ICA1: variants seen among roughly 807,000 people sequenced by gnomAD.
ICA1 encodes the protein islet cell autoantigen 1.
ICA1 carries 40 observed loss-of-function variants against 71.0 expected under a neutral mutation model. The ratio of observed to expected loss-of-function variants is 0.56; its 90% CI spans 0.44 to 0.73. ICA1 has a LOEUF of 0.73. Among genes scored for constraint, ICA1 ranks in the 30% least tolerant of loss-of-function variants. The pLI is 0.00. For missense variants in ICA1, 578 were observed against 576.5 expected (o/e 1.00, Z -0.03); for synonymous variants, 207 against 209.5 (o/e 0.99, Z 0.10).
intron 6 of ICA1, among the ~76,000 whole-genome samples, chr7:8,175,463 A>C (rs916489530): frequency 5.3e-5 from 8 of 152,230 alleles, no homozygotes; most frequent in African/African-American, 1.9e-4. Flanking sequence ...ATAGGAGTTT[A>C]AATTGAATCA....
chr7:8,144,312 G>A lies in ICA1; in HGVS notation c.805-340C>T, dbSNP rs1216913683. ...CTTTATTTTTCAACTTCAACATGTA[G>A]TTAAGATAAACATTCTGTTCTGTTC... On this transcript the variant is annotated intron_variant, in intron 8 of 13. Coordinates refer to ENST00000402384, the MANE Select transcript of ICA1 (RefSeq NM_001136020.3). This position sits in a 1 kb window ranked among gnomAD's most constrained non-coding sequence, Gnocchi z 4.5. Among the ~76,000 whole-genome samples, 2 of 152,190 alleles carry A rather than the reference G, an allele frequency of 1.3e-5. No individual in the cohort carries two copies. The highest frequency in any genetic ancestry group is 2.9e-5 in the Non-Finnish European group (2 of 68,026).
rs144315335 is a variant in ICA1, at chr7:8,157,228, C to G, written c.706-14G>C. The G allele has an allele frequency of 2.3e-5, 37 of 1,586,776 alleles. No individual in the cohort carries two copies. In the East Asian group the frequency reaches 8.3e-4, roughly 35 times the overall value. ...AAGCAGAGTGGTCTGCAAAGAAAGA[C>G]AGTAAAGCTATTAATGTTTTGAATG... is the stretch of plus-strand genomic sequence containing the variant. On this transcript the variant is annotated splice_polypyrimidine_tract_variant and intron_variant, in intron 7 of 13. Coordinates refer to ENST00000402384, the MANE Select transcript of ICA1 (RefSeq NM_001136020.3).
rs1444733195 is a variant in ICA1 at position 8,166,715 on chromosome 7, T to C, written c.580-8063A>G. On this transcript the variant is annotated intron_variant, in intron 6 of 13. Coordinates refer to ENST00000402384, the MANE Select transcript of ICA1 (RefSeq NM_001136020.3). ...CAGAGAAAAAAGACAACTTACAGAA[T>C]GGGAGAAAATATTTGCAAACTATGT... is the stretch of plus-strand genomic sequence containing the variant. 3.3e-5 allele frequency among the ~76,000 whole-genome samples: 5 copies of C among 152,106 alleles called. No homozygotes were observed. In the East Asian group the frequency reaches 9.6e-4, roughly 29 times the overall value.
rs529498101 is a variant in ICA1 at position 8,234,788 on chromosome 7, A to T, written c.17+1122T>A. The stretch of plus-strand genomic sequence containing the variant: ...TATGTAAAAGATAATCTCTCTATAG[A>T]ATATGCACATTAAAAGGTTGGAAGG... On this transcript the variant is annotated intron_variant, in intron 2 of 13. Transcript: ENST00000402384. The surrounding 1 kb of genome is among the most constrained non-coding windows in gnomAD (Gnocchi z 4.5). Among the ~76,000 whole-genome samples the T allele has an allele frequency of 6.6e-6, 1 of 152,344 alleles. No individual in the cohort carries two copies. The highest frequency in any genetic ancestry group is 3.4e-3 in the Middle Eastern group (1 of 294).
At position 8,213,739 on chromosome 7, in the gene ICA1, A is replaced by G. The variant is rs1019746579; in HGVS notation, c.579+4566T>C. On this transcript the variant is annotated intron_variant, in intron 6 of 13. Transcript: ENST00000402384. Reference sequence around the variant, plus strand: ...GTTTACCAGTCCTTGACCAAGTGCCATAGACCCAAACCTTCACAATCAGGA... The same window carrying G: ...GTTTACCAGTCCTTGACCAAGTGCCGTAGACCCAAACCTTCACAATCAGGA... Among the ~76,000 whole-genome samples the G allele has an allele frequency of 2.0e-5, 3 of 152,224 alleles. No homozygotes were observed. In the South Asian group the frequency reaches 6.2e-4, roughly 32 times the overall value.
At chr7:8,124,128 T>A (rs930576170) in intron 13 of ICA1, among the ~76,000 whole-genome samples, 6 of 145,544 alleles carry the variant, frequency 4.1e-5, no homozygotes, top group African/African-American at 1.5e-4. Context: ...TTTTTTTTTT[T>A]TTTTTTTTTT....
At chr7:8,238,494 C>T (rs10952099) in intron 1 of ICA1, among the ~76,000 whole-genome samples, 14,655 of 151,788 alleles carry the variant, frequency 0.097, 958 homozygotes, top group East Asian at 0.28. Flanking sequence ...TGTTATTGAC[C>T]CAACTTAATT....
At chr7:8,167,474 G>A (rs569620182) in intron 6 of ICA1, among the ~76,000 whole-genome samples, 24 of 152,092 alleles carry the variant, frequency 1.6e-4, no homozygotes, top group Non-Finnish European at 3.1e-4. Context: ...GCCTACTTGC[G>A]GGTAGGTGGA....
chr7:8,139,039 C>T lies in ICA1; in HGVS notation c.964G>A (p.Gly322Arg). 6.2e-7 allele frequency: 1 copy of T among 1,612,910 alleles called. No individual in the cohort carries two copies. The highest frequency in any genetic ancestry group is 1.3e-5 in the African/African-American group (1 of 75,012). Residue 322 changes from glycine (G) to arginine (R), a missense_variant, in exon 11 of 14, where the codon GGA becomes AGA. Gly to Arg is a moderately radical substitution (Grantham distance 125, BLOSUM62 -2). Transcript: ENST00000402384. ...TCTAAGGCAGATAAAATACTTTTTC[C>T]ATCTTCAGCTGTAATATAACATGTG... ...KESSSFKTED[G>R]KSILSALDKG...
chr7:8,244,353 A>G (rs1258225786), intron 1 of ICA1, among the ~76,000 whole-genome samples: 2 of 152,260 alleles, frequency 1.3e-5, no homozygotes, highest in African/African-American at 2.4e-5. Flanking sequence ...CTGGCTAGCT[A>G]TATGTAGAAA....
chr7:8,189,685 C>A (rs745641632), intron 6 of ICA1, among the ~76,000 whole-genome samples: 11 of 151,908 alleles, frequency 7.2e-5, no homozygotes, highest in Non-Finnish European at 1.5e-4. Flanking sequence ...CCCCCAGCTC[C>A]GAGCCTGCAG....
At chr7:8,185,335 T>C (rs1198262056) in intron 6 of ICA1, among the ~76,000 whole-genome samples, 1 of 152,154 alleles carries the variant, frequency 6.6e-6, no homozygotes, top group Non-Finnish European at 1.5e-5. Flanking sequence ...AATATATTCA[T>C]CCAACCATCC....
intron 1 of ICA1, among the ~76,000 whole-genome samples, chr7:8,242,727 G>C (rs1398877318): frequency 6.6e-6 from 1 of 152,096 alleles, no homozygotes; most frequent in African/African-American, 2.4e-5. Flanking sequence ...AAATGATAAA[G>C]GGGATATCAC....
At chr7:8,240,448 A>G (rs1320938727) in intron 1 of ICA1, among the ~76,000 whole-genome samples, 2 of 152,102 alleles carry the variant, frequency 1.3e-5, no homozygotes, top group Non-Finnish European at 2.9e-5. Flanking sequence ...AGATAAAACC[A>G]GAGCAGAAAC....
At chr7:8,245,919 T>G (rs1805822986) in intron 1 of ICA1, among the ~76,000 whole-genome samples, 1 of 152,186 alleles carries the variant, frequency 6.6e-6, no homozygotes, top group African/African-American at 2.4e-5. Context: ...CATATAACAA[T>G]GTCCCCTTAA....
intron 1 of ICA1, among the ~76,000 whole-genome samples, chr7:8,237,721 A>G (rs1423104993): frequency 6.6e-6 from 1 of 152,116 alleles, no homozygotes; most frequent in Non-Finnish European, 1.5e-5. Context: ...TATTTCACTT[A>G]GCATAATGCA....
At chr7:8,235,312 G>A (rs904542118) in intron 2 of ICA1, among the ~76,000 whole-genome samples, 1 of 152,210 alleles carries the variant, frequency 6.6e-6, no homozygotes, top group African/African-American at 2.4e-5. Flanking sequence ...TGGAAACACT[G>A]CTTGAAGAGC....
At chr7:8,147,258 G>GT (rs1205354853) in intron 8 of ICA1, among the ~76,000 whole-genome samples, 1 of 152,016 alleles carries the variant, frequency 6.6e-6, no homozygotes, top group African/African-American at 2.4e-5. Flanking sequence ...CAATCCTTTT[G>GT]TAATGTAAAC....
chr7:8,237,788 A>G (rs1802308652), intron 1 of ICA1, among the ~76,000 whole-genome samples: 1 of 151,812 alleles, frequency 6.6e-6, no homozygotes, highest in Non-Finnish European at 1.5e-5. Flanking sequence ...AGGCTGAATG[A>G]TATTGCATTG....
Sources: gnomAD v4.1 joint callset for allele counts (sites outside exome capture counted in the v4.1 genomes callset) on GRCh38, gnomAD v4.1.1 for gene constraint, Gnocchi (gnomAD v3.1) non-coding constraint, MANE v1.5 for transcripts, NCBI Gene and HGNC (gene_info 2026-07-23, HGNC 2026-07-21) for gene names.